The following CCDC9 variants were observed in gnomAD, a reference collection of about 807,000 sequenced individuals.
CCDC9 encodes coiled-coil domain-containing protein 9.
A neutral mutation model predicts 65.6 loss-of-function variants in CCDC9; 52 were observed. The observed-to-expected ratio is 0.79, with a 90% CI of 0.63 to 1.00. The LOEUF is 1.00. Among genes scored for constraint, CCDC9 ranks in the 50% least tolerant of loss-of-function variants. The pLI, the probability that CCDC9 is intolerant of heterozygous loss-of-function variation, is 0.00. For synonymous variants in CCDC9, 332 were observed against 280.3 expected, an observed-to-expected ratio of 1.18 and a Z score of -1.84; for missense variants, 834 against 757.2, an observed-to-expected ratio of 1.10 and a Z score of -1.19.
In CCDC9 at chr19:47,266,601, T is replaced by TG. The variant is rs754110218; in HGVS notation, c.721-4dup. 10 of 1,514,704 alleles carry TG rather than the reference T, an allele frequency of 6.6e-6. No homozygotes were observed. The highest frequency in any genetic ancestry group is 4.1e-5 in the Admixed American group (2 of 48,238). 93.8% of individuals were successfully genotyped at this position (1,514,704 alleles called of 1,614,324 possible). On this transcript the variant is annotated splice_polypyrimidine_tract_variant and intron_variant, in intron 7 of 11. Transcript: ENST00000221922. ...GACATCACCCTGACTCCCTGTGGGC[T>TG]GGGGGGCAGGGCCGCCGAGCTGGCC...
rs2287689 is a variant in CCDC9, at chr19:47,256,616, T to G, written c.-72+7T>G. ...CGCGGGGTCTCCGGGACAGGTGACCTGGGGGAGGGGGCCGGGAGCGCGCCC... is the reference window on the plus strand; with the variant it reads ...CGCGGGGTCTCCGGGACAGGTGACCGGGGGGAGGGGGCCGGGAGCGCGCCC... On this transcript the variant is annotated splice_region_variant and intron_variant, in intron 1 of 11. Coordinates refer to ENST00000221922, the MANE Select transcript of CCDC9 (RefSeq NM_015603.3). 0.44 allele frequency: 65,433 copies of G among 149,200 alleles called. 14,755 individuals carry two copies. Among genetic ancestry groups the G allele is most frequent in the East Asian group, 0.67 (3,356 of 5,004 alleles). 9.2% of individuals were successfully genotyped at this position (149,200 alleles called of 1,614,324 possible).
Position 47,260,335 on chromosome 19 carries a change from C to T in CCDC9, c.123C>T (p.Asp41=), listed in dbSNP as rs765556215. ...LIRRYQEIEE[D]RKKAELEGVA... is the part of the protein sequence containing the mutation. ...TCTGCTCCTAGGAGATTGAGGAAGA[C>T]CGTAAGAAAGCTGAACTTGAGGGAG... The change falls in exon 4 of 12, where the codon GAC becomes GAT. Residue 41 remains aspartate, a synonymous_variant. Transcript: ENST00000221922. 3.1e-6 allele frequency: 5 copies of T among 1,592,344 alleles called. No homozygotes were observed. The highest frequency in any genetic ancestry group is 3.4e-6 in the Non-Finnish European group (4 of 1,169,018).
downstream of CCDC9, chr19:47,273,989 C>G: frequency 1.0e-6 from 1 of 984,798 alleles, no homozygotes; most frequent in Non-Finnish European, 1.2e-6. Context: ...CCTGAAGACG[C>G]TGCTGGGAGG....
chr19:47,274,746 G>C (rs1254273400), downstream of CCDC9: 1 of 325,256 alleles, frequency 3.1e-6, no homozygotes, highest in Admixed American at 5.7e-5. Flanking sequence ...GGAGGCTGGA[G>C]GGGGTGGGCC....
chr19:47,268,926 AT>A (rs1376056800), intron 8 of CCDC9, among the ~76,000 whole-genome samples: 22 of 151,322 alleles, frequency 1.5e-4, no homozygotes, highest in East Asian at 1.9e-4. Context: ...TCAAAAAATA[AT>A]AATAATAATA....
rs2059124765 is a variant in CCDC9, at chr19:47,271,744, C to CTAT, written c.*66_*67insTAT. The CTAT allele has an allele frequency of 1.7e-6, 1 of 577,792 alleles. No homozygotes were observed. Among genetic ancestry groups the CTAT allele is most frequent in the Non-Finnish European group, 2.1e-6 (1 of 474,556 alleles). The allele number at this position is 577,792 out of a possible 1,614,324, so 35.8% of individuals were successfully genotyped here. On this transcript the variant is annotated 3_prime_UTR_variant, in exon 12 of 12. Transcript: ENST00000221922. ...GTGTGTGTGTGTGTGCGCGCGCGCG[C>CTAT]GCGCGCGCGCGCGCGCTAGAGGGGT...
downstream of CCDC9, chr19:47,275,646 C>A (rs1300321953): frequency 2.2e-6 from 1 of 453,900 alleles, no homozygotes; most frequent in Non-Finnish European, 4.0e-6. Context: ...TCTGCCTCTT[C>A]ACCTCCCTGA....
intron 7 of CCDC9, among the ~76,000 whole-genome samples, chr19:47,265,445 C>T (rs2059075473): frequency 6.6e-6 from 1 of 152,070 alleles, no homozygotes; most frequent in Admixed American, 6.6e-5. Flanking sequence ...ATTTATGAGG[C>T]ACCTACCACA....
chr19:47,261,711 CAAAA>C (rs758107358), intron 5 of CCDC9, among the ~76,000 whole-genome samples: 46 of 50,152 alleles, frequency 9.2e-4, no homozygotes, highest in South Asian at 1.7e-3. Flanking sequence ...GACTCTGTAT[CAAAA>C]AAAAAAAAAA....
At chr19:47,274,972 G>A, downstream of CCDC9, 1 of 1,454,002 alleles carries the variant, frequency 6.9e-7, no homozygotes, top group Non-Finnish European at 9.0e-7. Context: ...GGAGGCGCGG[G>A]GCTGAGCGAG....
intron 8 of CCDC9, among the ~76,000 whole-genome samples, chr19:47,268,301 G>C (rs884536): frequency 2.6e-5 from 4 of 152,166 alleles, no homozygotes; most frequent in Admixed American, 2.6e-4. Flanking sequence ...CCGATAAATA[G>C]CAGTATTTAA....
chr19:47,273,808 G>A (rs1421843717), downstream of CCDC9: 1 of 282,542 alleles, frequency 3.5e-6, no homozygotes, highest in East Asian at 8.2e-5. Context: ...CGCCAGCCCT[G>A]TCGTATTAAA....
Position 47,264,855 on chromosome 19 carries a change from G to A in CCDC9, c.629G>A (p.Arg210Gln), listed in dbSNP as rs780952824. Residue 210 changes from arginine (R) to glutamine (Q), a missense_variant, in exon 7 of 12, where the codon CGG (arginine) becomes CAG (glutamine). Physicochemically the swap from Arg to Gln is conservative, Grantham distance 43. Transcript: ENST00000221922. ...RRSGPLEESE[R>Q]DRREESRRHG... is the part of the protein sequence containing the mutation. ...AGCGGGCCCCTGGAGGAGTCTGAGCGGGACCGCCGGGAGGAGAGCCGCCGG... is the reference window on the plus strand; with the variant it reads ...AGCGGGCCCCTGGAGGAGTCTGAGCAGGACCGCCGGGAGGAGAGCCGCCGG... 9.9e-6 allele frequency: 15 copies of A among 1,507,772 alleles called. No individual in the cohort carries two copies. Among genetic ancestry groups the A allele is most frequent in the African/African-American group, 2.8e-5 (2 of 72,080 alleles). 93.4% of individuals were successfully genotyped at this position (1,507,772 alleles called of 1,614,324 possible). A position where few individuals can be genotyped will look rare whatever the true frequency, so the allele number is the denominator to read the frequency against.
At chr19:47,266,554 T>C (rs2059083515) in intron 7 of CCDC9, 57 bp from the exon 8 acceptor site, 1 of 1,451,030 alleles carries the variant, frequency 6.9e-7, no homozygotes, top group African/African-American at 1.4e-5. Flanking sequence ...GCCTCGGGGC[T>C]TAGGGGCGGG....
chr19:47,273,933 C>T (rs2059140325), downstream of CCDC9: 3 of 979,838 alleles, frequency 3.1e-6, no homozygotes, highest in African/African-American at 1.7e-5. Context: ...TTCCTCCACC[C>T]TTCTGATCCG....
At chr19:47,269,189 C>T (rs1600288910) in intron 8 of CCDC9, among the ~76,000 whole-genome samples, 2 of 152,166 alleles carry the variant, frequency 1.3e-5, no homozygotes, top group East Asian at 3.9e-4. Flanking sequence ...CTAGGTGATA[C>T]AGCAGCAAAC....
rs765361023 is a variant in CCDC9 at position 47,260,592 on chromosome 19, A to C, written c.215A>C (p.Lys72Thr). 4 of 1,530,086 alleles carry C rather than the reference A, an allele frequency of 2.6e-6. No individual in the cohort carries two copies. The African/African-American group carries it at 5.5e-5, about 21-fold the overall frequency. The allele number at this position is 1,530,086 out of a possible 1,614,324, so 94.8% of individuals were successfully genotyped here. A position where few individuals can be genotyped will look rare whatever the true frequency, so the allele number is the denominator to read the frequency against. ...EKENVAVESEKNLGPSRRSPG... is the reference protein window; with the variant it reads ...EKENVAVESETNLGPSRRSPG... ...TCCCCATCTCCCCTCTTCCAGGAGA[A>C]GAACCTGGGTCCTTCCCGGAGGTCT... The change falls in exon 5 of 12, where the codon AAG becomes ACG. Residue 72 changes from lysine (K) to threonine (T), a missense_variant. By Grantham distance (78) the Lys-to-Thr change is moderately conservative (BLOSUM62 -1). Transcript: ENST00000221922.
chr19:47,275,154 C>T (rs1159020112), downstream of CCDC9: 39 of 1,484,790 alleles, frequency 2.6e-5, no homozygotes, highest in African/African-American at 7.4e-5. Flanking sequence ...GTGTGCTGCC[C>T]GCCCGGGCGT....
At position 47,271,577 on chromosome 19, in the gene CCDC9, G is replaced by A. The variant is rs141542901; in HGVS notation, c.1495G>A (p.Val499Met). The A allele has an allele frequency of 2.7e-5, 43 of 1,613,188 alleles. No individual in the cohort carries two copies. Among genetic ancestry groups the A allele is most frequent in the Non-Finnish European group, 3.6e-5 (43 of 1,179,976 alleles). Residue 499 changes from valine (V) to methionine (M), a missense_variant, in exon 12 of 12, where the codon GTG becomes ATG. Transcript: ENST00000221922. ...PFSPPSGHQPVSDWGEEVELN... is the reference protein window; with the variant it reads ...PFSPPSGHQPMSDWGEEVELN... ...CTCACCACCCAGCGGCCACCAGCCTGTGTCCGATTGGGGTGAAGAGGTGGA... is the reference window on the plus strand; with the variant it reads ...CTCACCACCCAGCGGCCACCAGCCTATGTCCGATTGGGGTGAAGAGGTGGA...
Sources: gnomAD v4.1 joint callset for allele counts (sites outside exome capture counted in the v4.1 genomes callset) on GRCh38, gnomAD v4.1.1 for gene constraint, MANE v1.5 for transcripts, NCBI Gene and HGNC (gene_info 2026-07-23, HGNC 2026-07-21) for gene names.